ZSCAN5A: variants seen among roughly 807,000 people sequenced by gnomAD.
ZSCAN5A encodes the protein zinc finger and SCAN domain-containing protein 5A.
ZSCAN5A carries 12 observed loss-of-function variants against 23.7 expected under a neutral mutation model. That is an observed-to-expected ratio of 0.51 (90% confidence interval 0.32 to 0.82). The LOEUF (loss-of-function observed/expected upper bound fraction) is 0.82, where lower values mean the gene tolerates loss of function less well. Ranked by LOEUF, ZSCAN5A falls within the 40% of genes least tolerant of loss-of-function variation. The pLI, the probability that ZSCAN5A is intolerant of heterozygous loss-of-function variation, is 0.03. For missense variants in ZSCAN5A, 597 were observed against 617.9 expected (o/e 0.97, Z 0.36); for synonymous variants, 257 against 239.9 (o/e 1.07, Z -0.66).
chr19:56,258,519 T>TG (rs71814573), intron 2 of ZSCAN5A, among the ~76,000 whole-genome samples: 3 of 115,666 alleles, frequency 2.6e-5, no homozygotes, highest in Admixed American at 8.9e-5. Context: ...CCTTCCAGTG[T>TG]GGGGGGGTGA....
At chr19:56,332,210 G>T (rs1327487000) in intron 2 of ZSCAN5A, among the ~76,000 whole-genome samples, 1 of 152,110 alleles carries the variant, frequency 6.6e-6, no homozygotes, top group Admixed American at 6.6e-5. Flanking sequence ...TTAAGTCCAG[G>T]TTTCTTTGTT....
In ZSCAN5A at chr19:56,339,765, T is replaced by C. The variant is rs71333215; in HGVS notation, c.-358+23470A>G. ...GGCTGTAGCCGCATTTAGCAATATG[T>C]GAAGGAGCGGTTGTAGCCGCATTTA... On this transcript the variant is annotated intron_variant, in intron 2 of 6. Transcript: ENST00000587340. Among the ~76,000 whole-genome samples, 77 of 93,398 alleles carry C rather than the reference T, an allele frequency of 8.2e-4. 3 individuals are homozygous for C. Among genetic ancestry groups the C allele is most frequent in the African/African-American group, 3.5e-3 (70 of 20,044 alleles). 61.3% of individuals were successfully genotyped at this position (93,398 alleles called of 152,430 possible).
At chr19:56,246,829 G>C (rs1399500033) in intron 2 of ZSCAN5A, 2 of 1,611,328 alleles carry the variant, frequency 1.2e-6, no homozygotes, top group South Asian at 2.2e-5. Context: ...TGTGGAGAGA[G>C]AAGCTTCGAC....
chr19:56,309,914 C>T (rs2040929307), intron 2 of ZSCAN5A, among the ~76,000 whole-genome samples: 1 of 152,080 alleles, frequency 6.6e-6, no homozygotes, highest in African/African-American at 2.4e-5. Flanking sequence ...GAAGCGTGTT[C>T]CAGCTGCTGG....
chr19:56,266,993 G>A (rs113559683), intron 2 of ZSCAN5A, among the ~76,000 whole-genome samples: 1 of 152,156 alleles, frequency 6.6e-6, no homozygotes, highest in African/African-American at 2.4e-5. Context: ...TCTTCTTTCT[G>A]CGTGTCAAAT....
intron 2 of ZSCAN5A, among the ~76,000 whole-genome samples, chr19:56,242,070 C>CG (rs2035470850): frequency 6.6e-6 from 1 of 152,110 alleles, no homozygotes; most frequent in Non-Finnish European, 1.5e-5. Flanking sequence ...GCGGGATTGC[C>CG]GGATCATGCA....
upstream of ZSCAN5A, chr19:56,315,117 G>A (rs1200812687): frequency 6.6e-6 from 1 of 152,202 alleles, no homozygotes; most frequent in East Asian, 1.9e-4. Context: ...ATACCCAGAA[G>A]TCTCTGGGAG....
intron 2 of ZSCAN5A, among the ~76,000 whole-genome samples, chr19:56,341,813 C>A (rs1600294334): frequency 2.1e-5 from 3 of 145,804 alleles, no homozygotes; most frequent in East Asian, 4.1e-4. Context: ...CAGGCAACAA[C>A]AACAACAAAA....
intron 2 of ZSCAN5A, among the ~76,000 whole-genome samples, chr19:56,298,737 T>C (rs1002376784): frequency 2.0e-5 from 3 of 151,948 alleles, no homozygotes; most frequent in Admixed American, 6.6e-5. Context: ...CACAAAAAAG[T>C]CTTTCAGGAT....
intron 2 of ZSCAN5A, chr19:56,320,223 C>T (rs1263738377): frequency 1.7e-6 from 1 of 589,084 alleles, no homozygotes; most frequent in Non-Finnish European, 3.2e-6. Context: ...CTGTTCTCTG[C>T]CCATTAGTTC....
At chr19:56,286,061 G>T (rs1166682040) in intron 2 of ZSCAN5A, among the ~76,000 whole-genome samples, 1 of 152,130 alleles carries the variant, frequency 6.6e-6, no homozygotes, top group Non-Finnish European at 1.5e-5. Context: ...TCGCTCTGTT[G>T]CCCAGGCTGG....
chr19:56,322,203 G>A (rs967687292), intron 2 of ZSCAN5A: 1 of 847,234 alleles, frequency 1.2e-6, no homozygotes, highest in African/African-American at 1.7e-5. Flanking sequence ...ACATAGACCA[G>A]GCTCATTTGT....
chr19:56,237,384 A>G (rs1221814430), intron 2 of ZSCAN5A, among the ~76,000 whole-genome samples: 2 of 152,152 alleles, frequency 1.3e-5, no homozygotes, highest in East Asian at 3.9e-4. Flanking sequence ...TCAATAAACT[A>G]CAGGAGAGAG....
intron 2 of ZSCAN5A, among the ~76,000 whole-genome samples, chr19:56,330,611 T>C (rs547925851): frequency 2.0e-5 from 3 of 152,336 alleles, no homozygotes; most frequent in Non-Finnish European, 1.5e-5. Context: ...TTATTCATGT[T>C]TGTTGGCTGC....
In ZSCAN5A at chr19:56,223,840, G is replaced by C; in HGVS notation, c.385-6C>G. The C allele has an allele frequency of 6.2e-7, 1 of 1,608,066 alleles. No individual in the cohort carries two copies. The highest frequency in any genetic ancestry group is 1.1e-5 in the South Asian group (1 of 90,934). ...CCGTGGAAGGTGACCACAGACTGTA[G>C]AGAGAAAAAAGACAATCAGACTCAC... On this transcript the variant is annotated splice_polypyrimidine_tract_variant and splice_region_variant and intron_variant, in intron 3 of 5. Coordinates refer to ENST00000683990, the MANE Select transcript of ZSCAN5A (RefSeq NM_001322064.3).
At chr19:56,239,981 G>A (rs2035293053) in intron 2 of ZSCAN5A, among the ~76,000 whole-genome samples, 1 of 152,054 alleles carries the variant, frequency 6.6e-6, no homozygotes, top group Non-Finnish European at 1.5e-5. Context: ...GGCCAACATG[G>A]TGAAACCCCG....
chr19:56,261,106 G>A (rs1482721061), intron 2 of ZSCAN5A, among the ~76,000 whole-genome samples: 1 of 152,060 alleles, frequency 6.6e-6, no homozygotes, highest in Non-Finnish European at 1.5e-5. Flanking sequence ...TACTTGGGAG[G>A]CTGAGGCAGG....
At chr19:56,315,315 C>T (rs1181602771), upstream of ZSCAN5A, 4 of 152,320 alleles carry the variant, frequency 2.6e-5, no homozygotes, top group East Asian at 1.9e-4. Context: ...TCCGTGAAGC[C>T]TAGAGATTCC....
rs75651460 is a variant in ZSCAN5A, at chr19:56,235,215, T to C, written c.-127-10042A>G. Among the ~76,000 whole-genome samples, 71 of 22,236 alleles carry C rather than the reference T, an allele frequency of 3.2e-3. 1 individual carries two copies. Among genetic ancestry groups the C allele is most frequent in the African/African-American group, 3.9e-3 (18 of 4,626 alleles). The allele number at this position is 22,236 out of a possible 152,430, so 14.6% of individuals were successfully genotyped here. ...AGCCTCTGATGGACGGTGGGCCAAG[T>C]CTCCACTCCAGCCTCTGATGGACCG... On this transcript the variant is annotated intron_variant, in intron 2 of 5. Transcript: ENST00000683990.
Sources: allele counts gnomAD v4.1 joint callset (sites outside exome capture counted in the v4.1 genomes callset), GRCh38; gene constraint gnomAD v4.1.1; transcripts MANE v1.5; gene names NCBI Gene and HGNC (gene_info 2026-07-23, HGNC 2026-07-21).